FBXW8: variants seen among roughly 807,000 people sequenced by gnomAD.
FBXW8 encodes the protein F-box and WD repeat domain containing 8.
Under a neutral mutation model 65.3 loss-of-function variants are expected in FBXW8, and 57 were observed. The ratio of observed to expected loss-of-function variants is 0.87; its 90% confidence interval spans 0.71 to 1.09. The LOEUF (loss-of-function observed/expected upper bound fraction) is 1.09, where lower values mean the gene tolerates loss of function less well. Among genes scored for constraint, FBXW8 ranks in the 50% least tolerant of loss-of-function variants. The pLI is 0.00. For missense variants in FBXW8, 777 were observed against 814.8 expected (o/e 0.95, Z 0.57); for synonymous variants, 308 against 330.2 (o/e 0.93, Z 0.73).
chr12:117,011,216 G>A (rs1381683409), intron 8 of FBXW8, among the ~76,000 whole-genome samples: 5 of 146,492 alleles, frequency 3.4e-5, no homozygotes, highest in Non-Finnish European at 7.4e-5. Context: ...GGCTGCTGGC[G>A]CCCCCTCCCC....
chr12:117,000,623 A>G (rs1953492610), intron 7 of FBXW8, among the ~76,000 whole-genome samples: 1 of 152,200 alleles, frequency 6.6e-6, no homozygotes, highest in African/African-American at 2.4e-5. Context: ...ACCCTGGGGT[A>G]GAGGTTTAAA....
intron 7 of FBXW8, among the ~76,000 whole-genome samples, chr12:117,001,972 A>G (rs1006663335): frequency 6.6e-6 from 1 of 152,128 alleles, no homozygotes; most frequent in African/African-American, 2.4e-5. Flanking sequence ...CCCAGCACCT[A>G]CGGACGTGCT....
chr12:116,928,792 C>T (rs182624196), intron 2 of FBXW8, among the ~76,000 whole-genome samples: 57 of 152,198 alleles, frequency 3.7e-4, no homozygotes, highest in Admixed American at 3.7e-3. Flanking sequence ...TTCAGGAAGT[C>T]TGCGGTGGGG....
At position 117,028,264 on chromosome 12, in the gene FBXW8, AT is replaced by A; in HGVS notation, c.*95del. 6.7e-7 allele frequency: 1 copy of A among 1,493,712 alleles called. No individual in the cohort carries two copies. Among genetic ancestry groups the A allele is most frequent in the Non-Finnish European group, 9.1e-7 (1 of 1,103,064 alleles). The allele number at this position is 1,493,712 out of a possible 1,614,324, so 92.5% of individuals were successfully genotyped here. ...AGGCACCTCTTCACAGGTGGTAAAC[AT>A]TTAGGGGAAGAAAGCAGCCCAGGGT... On this transcript the variant is annotated 3_prime_UTR_variant, in exon 11 of 11. Coordinates refer to ENST00000652555, the MANE Select transcript of FBXW8 (RefSeq NM_153348.3). The surrounding 1 kb of genome is among the most constrained non-coding windows in gnomAD (Gnocchi z 4.1).
At chr12:116,938,856 G>T (rs112061860) in intron 2 of FBXW8, among the ~76,000 whole-genome samples, 1 of 152,212 alleles carries the variant, frequency 6.6e-6, no homozygotes, top group Non-Finnish European at 1.5e-5. Context: ...TAACCTGGGT[G>T]TAACGGCAGG....
At chr12:117,011,582 G>A (rs868752988) in intron 8 of FBXW8, among the ~76,000 whole-genome samples, 3 of 152,126 alleles carry the variant, frequency 2.0e-5, no homozygotes, top group Admixed American at 6.5e-5. Flanking sequence ...CATGTGGCAC[G>A]GCAAAAGAAT....
intron 7 of FBXW8, among the ~76,000 whole-genome samples, chr12:116,992,219 C>T (rs562391410): frequency 3.9e-5 from 6 of 152,070 alleles, no homozygotes; most frequent in Non-Finnish European, 7.3e-5. Context: ...TCAGTCACCT[C>T]CAGCTCGGGT....
intron 4 of FBXW8, among the ~76,000 whole-genome samples, chr12:116,956,204 A>C (rs1592886631): frequency 6.6e-6 from 1 of 152,024 alleles, no homozygotes; most frequent in Non-Finnish European, 1.5e-5. Flanking sequence ...TTTTTAGCAT[A>C]CCGTTCCTGC....
intron 7 of FBXW8, among the ~76,000 whole-genome samples, chr12:117,000,180 G>A (rs1565934930): frequency 6.6e-6 from 1 of 152,120 alleles, no homozygotes; most frequent in Non-Finnish European, 1.5e-5. Flanking sequence ...GTTTCACCGT[G>A]TTAGCCAGGA....
At chr12:116,996,951 G>A (rs985290198) in intron 7 of FBXW8, among the ~76,000 whole-genome samples, 2 of 152,190 alleles carry the variant, frequency 1.3e-5, no homozygotes, top group African/African-American at 2.4e-5. Flanking sequence ...TGGAAACGAG[G>A]TCATAACAAG....
intron 9 of FBXW8, among the ~76,000 whole-genome samples, chr12:117,025,895 G>A (rs1182370072): frequency 6.6e-6 from 1 of 152,204 alleles, no homozygotes; most frequent in Non-Finnish European, 1.5e-5. Context: ...AGGCCACTGA[G>A]ATGAAGCCTA....
intron 5 of FBXW8, among the ~76,000 whole-genome samples, chr12:116,969,731 G>A (rs186725050): frequency 1.3e-4 from 20 of 151,300 alleles, no homozygotes; most frequent in Admixed American, 4.6e-4. Flanking sequence ...GGAGGGAATC[G>A]TATCCAGAGG....
In FBXW8 at chr12:117,011,178, A is replaced by AAGAG. The variant is rs1397743213; in HGVS notation, c.1367+731_1367+734dup. On this transcript the variant is annotated intron_variant, in intron 8 of 10. Transcript: ENST00000652555. ...CTGCTGTGTCTGATCCAGTGCCCTG[A>AAGAG]AGAGAGGTAGCATGGCTGAGGGCCA... 4.1e-5 allele frequency among the ~76,000 whole-genome samples: 5 copies of AAGAG among 123,188 alleles called. No individual in the cohort carries two copies. In the East Asian group the frequency reaches 1.2e-3, roughly 30 times the overall value. The allele number at this position is 123,188 out of a possible 152,430, so 80.8% of individuals were successfully genotyped here. A position where few individuals can be genotyped will look rare whatever the true frequency, so the allele number is the denominator to read the frequency against.
chr12:116,922,184 G>A (rs929404895), intron 1 of FBXW8, among the ~76,000 whole-genome samples: 4 of 152,040 alleles, frequency 2.6e-5, no homozygotes, highest in African/African-American at 9.7e-5. Flanking sequence ...GAGACAAATT[G>A]TGGATTATAA....
At chr12:117,010,832 A>G (rs1953788563) in intron 8 of FBXW8, among the ~76,000 whole-genome samples, 2 of 152,236 alleles carry the variant, frequency 1.3e-5, no homozygotes, top group Admixed American at 1.3e-4. Context: ...TCAGCAAAAT[A>G]GGGTTTCCTG....
chr12:116,945,943 C>T (rs1401190073), intron 3 of FBXW8, among the ~76,000 whole-genome samples: 3 of 152,220 alleles, frequency 2.0e-5, no homozygotes, highest in Non-Finnish European at 4.4e-5. Context: ...GATGATTAAA[C>T]ATCTCTAAGC....
rs1307381033 is a variant in FBXW8, at chr12:116,936,691, G to A, written c.423+8564G>A. On this transcript the variant is annotated intron_variant, in intron 2 of 10. Coordinates refer to ENST00000652555, the MANE Select transcript of FBXW8 (RefSeq NM_153348.3). The surrounding 1 kb of genome is among the most constrained non-coding windows in gnomAD (Gnocchi z 4.6). ...CCTTGCTTTTACACTTCTGGTCTCCGGAACTATAAGCGAATAAATCTGTAT... is the reference window on the plus strand; with the variant it reads ...CCTTGCTTTTACACTTCTGGTCTCCAGAACTATAAGCGAATAAATCTGTAT... 2.0e-5 allele frequency among the ~76,000 whole-genome samples: 3 copies of A among 152,088 alleles called. No individual in the cohort carries two copies. The highest frequency in any genetic ancestry group is 7.2e-5 in the African/African-American group (3 of 41,406).
chr12:117,011,895 G>C (rs923060947), intron 8 of FBXW8, among the ~76,000 whole-genome samples: 1 of 152,116 alleles, frequency 6.6e-6, no homozygotes, highest in Admixed American at 6.5e-5. Context: ...GTTCCAAAAA[G>C]CAAAACTTGA....
At chr12:117,025,651 C>G (rs1453648047) in intron 9 of FBXW8, among the ~76,000 whole-genome samples, 1 of 152,194 alleles carries the variant, frequency 6.6e-6, no homozygotes, top group Non-Finnish European at 1.5e-5. Flanking sequence ...CTGGCCCGCC[C>G]CCTCGCTGTG....
Sources: allele counts gnomAD v4.1 joint callset (sites outside exome capture counted in the v4.1 genomes callset), GRCh38; gene constraint gnomAD v4.1.1; non-coding constraint Gnocchi (gnomAD v3.1); transcripts MANE v1.5; gene names NCBI Gene and HGNC (gene_info 2026-07-23, HGNC 2026-07-21).